Variants in HERC1 observed in about 807,000 individuals in gnomAD.
The protein encoded by HERC1 is probable E3 ubiquitin-protein ligase HERC1.
HERC1 carries 160 observed loss-of-function variants against 554.3 expected under a neutral mutation model. The ratio of observed to expected loss-of-function variants is 0.29; its 90% CI spans 0.25 to 0.33. The LOEUF is 0.33. HERC1 is among the 10% of genes least tolerant of loss of function. The probability of loss-of-function intolerance (pLI) is 1.00; values close to 1 mark genes in which losing one functional copy is unlikely to be tolerated. For missense variants in HERC1, 4,919 were observed against 5,918.5 expected (o/e 0.83, Z 5.54); for synonymous variants, 2,175 against 2,131.7 (o/e 1.02, Z -0.56).
chr15:63,689,490 T>A (rs1293148545), intron 33 of HERC1, 99 bp downstream of exon 33: 4 of 626,174 alleles, frequency 6.4e-6, no homozygotes. Context: ...ATGGAATAAA[T>A]GATAGAGCAA....
chr15:63,816,677 G>C (rs930712642), intron 1 of HERC1, among the ~76,000 whole-genome samples: 1 of 152,106 alleles, frequency 6.6e-6, no homozygotes, highest in Non-Finnish European at 1.5e-5. Context: ...ATGAAGACTT[G>C]CACTCTTCCT....
chr15:63,666,216 G>A (rs2070628070), intron 41 of HERC1, 66 bp from the exon 42 acceptor site: 3 of 1,442,204 alleles, frequency 2.1e-6, no homozygotes, highest in African/African-American at 2.9e-5. Flanking sequence ...TGTTATAAGA[G>A]TGTTTGCTAT....
rs71131176 is a variant in HERC1, at chr15:63,707,928, C to CAAAAAA, written c.4585-1103_4585-1098dup. Among the ~76,000 whole-genome samples the CAAAAAA allele has an allele frequency of 3.2e-3, 174 of 55,090 alleles. 1 individual carries two copies. The highest frequency in any genetic ancestry group is 4.4e-3 in the African/African-American group (71 of 15,992). The allele number at this position is 55,090 out of a possible 152,430, so 36.1% of individuals were successfully genotyped here. A position where few individuals can be genotyped will look rare whatever the true frequency, so the allele number is the denominator to read the frequency against. ...CGGATGACAGAGCAAGACTCCCTCT[C>CAAAAAA]AAAAAAAAAAAAAAAAAAAAAAAAA... On this transcript the variant is annotated intron_variant, in intron 24 of 77. Coordinates refer to ENST00000443617, the MANE Select transcript of HERC1 (RefSeq NM_003922.4).
chr15:63,726,816 G>A (rs1378063070), intron 17 of HERC1, among the ~76,000 whole-genome samples: 9 of 152,088 alleles, frequency 5.9e-5, no homozygotes, highest in African/African-American at 1.9e-4. Flanking sequence ...AGAAAGTTCC[G>A]CGTTCATGTT....
intron 2 of HERC1, among the ~76,000 whole-genome samples, chr15:63,766,821 G>A (rs2075793804): frequency 6.6e-6 from 1 of 151,506 alleles, no homozygotes; most frequent in Non-Finnish European, 1.5e-5. Context: ...GGGATTACAG[G>A]CATGAGCCAC....
At position 63,747,731 on chromosome 15, in the gene HERC1, A is replaced by T. The variant is rs886769615; in HGVS notation, c.2347T>A (p.Ser783Thr). 4.5e-6 allele frequency: 7 copies of T among 1,542,062 alleles called. No homozygotes were observed. Among genetic ancestry groups the T allele is most frequent in the Non-Finnish European group, 6.1e-6 (7 of 1,138,626 alleles). Reference protein sequence around the residue: ...NSEIPPLPFPSSREHHSFLKL... With the variant: ...NSEIPPLPFPTSREHHSFLKL... ...AACATACATATAACATACCTTGATG[A>T]AGGGAAAGGGAGTGGGGGAATCTCA... The change falls in exon 11 of 78, where the codon TCA becomes ACA. Residue 783 changes from serine to threonine, a missense_variant. Physicochemically the swap from Ser to Thr is moderately conservative, Grantham distance 58 (BLOSUM62 1). Coordinates refer to ENST00000443617, the MANE Select transcript of HERC1 (RefSeq NM_003922.4).
chr15:63,743,263 C>CTTTTT (rs71131177), intron 12 of HERC1, among the ~76,000 whole-genome samples: 5 of 109,180 alleles, frequency 4.6e-5, no homozygotes, highest in East Asian at 2.4e-4. Flanking sequence ...TTTTCTTTTT[C>CTTTTT]TTTTTTTTTT....
intron 26 of HERC1, 110 bp from the exon 27 acceptor site, chr15:63,696,449 G>C (rs1033500179): frequency 5.1e-5 from 36 of 699,978 alleles, no homozygotes; most frequent in Non-Finnish European, 8.7e-5. Flanking sequence ...CATTTCATAT[G>C]AATCTATTCT....
At chr15:63,817,323 T>C (rs2077525338) in intron 1 of HERC1, among the ~76,000 whole-genome samples, 1 of 152,214 alleles carries the variant, frequency 6.6e-6, no homozygotes, top group Admixed American at 6.5e-5. Flanking sequence ...AATGTTATTA[T>C]GGTTATGCTA....
At chr15:63,625,693 CA>C (rs536157824) in intron 71 of HERC1, among the ~76,000 whole-genome samples, 108 of 111,834 alleles carry the variant, frequency 9.7e-4, no homozygotes, top group African/African-American at 2.1e-3. Flanking sequence ...GACTCCATCT[CA>C]AAAAAAAAAA....
At chr15:63,741,437 G>A (rs747872296) in intron 12 of HERC1, among the ~76,000 whole-genome samples, 5 of 151,708 alleles carry the variant, frequency 3.3e-5, no homozygotes, top group Non-Finnish European at 2.9e-5. Context: ...CAATTCTCCT[G>A]CCTCAGCTGG....
chr15:63,833,312 G>A (rs1369073586), intron 1 of HERC1, among the ~76,000 whole-genome samples: 1 of 152,242 alleles, frequency 6.6e-6, no homozygotes, highest in Admixed American at 6.5e-5. Context: ...AGAGGAGGAA[G>A]ACACGTCGTC....
chr15:63,670,403 A>G (rs1426190740), intron 39 of HERC1, among the ~76,000 whole-genome samples: 1 of 152,232 alleles, frequency 6.6e-6, no homozygotes, highest in African/African-American at 2.4e-5. Flanking sequence ...GATTTGTCCA[A>G]AAGAACTAGG....
intron 34 of HERC1, among the ~76,000 whole-genome samples, chr15:63,682,589 A>T (rs983401819): frequency 1.3e-5 from 2 of 152,186 alleles, no homozygotes; most frequent in African/African-American, 4.8e-5. Context: ...TGGGCAAGAA[A>T]GCAAGAACCC....
At chr15:63,794,232 T>G (rs1244833235) in intron 1 of HERC1, among the ~76,000 whole-genome samples, 1 of 152,114 alleles carries the variant, frequency 6.6e-6, no homozygotes, top group Non-Finnish European at 1.5e-5. Context: ...TTCATTCCTT[T>G]ACTTTCTTAA....
intron 75 of HERC1, 118 bp downstream of exon 75, chr15:63,616,312 T>A (rs781706611): frequency 9.3e-7 from 1 of 1,075,136 alleles, no homozygotes; most frequent in Non-Finnish European, 1.3e-6. Flanking sequence ...GGCATAGATA[T>A]GGCATTGTTC....
Position 63,725,420 on chromosome 15 carries a change from A to C in HERC1, c.3440T>G (p.Leu1147Arg). 1 of 1,613,820 alleles carries C rather than the reference A, an allele frequency of 6.2e-7. No individual in the cohort carries two copies. The highest frequency in any genetic ancestry group is 1.1e-5 in the South Asian group (1 of 91,052). ...GCCACCAAGACACCGCCCAATAAGG[A>C]GAGCAATTGTTCTTTCTAGATCCAC... ...WLVDLERTIA[L>R]LIGRCLGGML... Residue 1147 changes from leucine to arginine, a missense_variant, in exon 18 of 78, where the codon CTC (leucine) becomes CGC (arginine). Physicochemically the swap from Leu to Arg is moderately radical, Grantham distance 102 (BLOSUM62 -2). Coordinates refer to ENST00000443617, the MANE Select transcript of HERC1 (RefSeq NM_003922.4).
In HERC1 at chr15:63,660,962, A is replaced by C; in HGVS notation, c.9223+11T>G. 6.3e-7 allele frequency: 1 copy of C among 1,586,406 alleles called. No individual in the cohort carries two copies. The highest frequency in any genetic ancestry group is 8.7e-7 in the Non-Finnish European group (1 of 1,155,310). The stretch of plus-strand genomic sequence containing the variant: ...AACATGTAAAATAAAGAAGCTCTCA[A>C]AACAAACTACCTTCATACACACTGT... On this transcript the variant is annotated intron_variant, in intron 46 of 77. Coordinates refer to ENST00000443617, the MANE Select transcript of HERC1 (RefSeq NM_003922.4).
intron 49 of HERC1, 26 bp from the exon 50 acceptor site, chr15:63,655,981 CTT>C: frequency 1.9e-6 from 3 of 1,598,022 alleles, no homozygotes; most frequent in Middle Eastern, 1.7e-4. Context: ...GAAAAACAGA[CTT>C]AATTTTTACA....
Sources: allele counts gnomAD v4.1 joint callset (sites outside exome capture counted in the v4.1 genomes callset), GRCh38; gene constraint gnomAD v4.1.1; transcripts MANE v1.5; gene names NCBI Gene and HGNC (gene_info 2026-07-23, HGNC 2026-07-21).